Variants in KCNC2 observed in about 807,000 individuals in gnomAD.
KCNC2 encodes the protein potassium voltage-gated channel subfamily C member 2.
In KCNC2, 21 loss-of-function variants were observed where a neutral mutation model predicts 44.5. The ratio of observed to expected loss-of-function variants is 0.47; its 90% CI spans 0.33 to 0.68. KCNC2 has a LOEUF of 0.68. KCNC2 is among the 30% of genes least tolerant of loss of function. The probability of loss-of-function intolerance (pLI) is 0.01; values close to 1 mark genes in which losing one functional copy is unlikely to be tolerated. For synonymous variants in KCNC2, 391 were observed against 339.1 expected, an observed-to-expected ratio of 1.15 and a Z score of -1.68; for missense variants, 589 against 826.2, an observed-to-expected ratio of 0.71 and a Z score of 3.52.
At chr12:75,203,948 G>A (rs183140478) in intron 2 of KCNC2, among the ~76,000 whole-genome samples, 2 of 151,948 alleles carry the variant, frequency 1.3e-5, no homozygotes, top group East Asian at 1.9e-4. Context: ...TCAAAGGAAA[G>A]CACATACAAG....
intron 2 of KCNC2, among the ~76,000 whole-genome samples, chr12:75,120,781 A>T (rs2137285591): frequency 6.6e-6 from 1 of 152,270 alleles, no homozygotes; most frequent in East Asian, 1.9e-4. Context: ...GCTCCATAGT[A>T]TGTTTTGCAG....
chr12:75,151,781 AAAT>A (rs1359288530), intron 2 of KCNC2, among the ~76,000 whole-genome samples: 1 of 151,312 alleles, frequency 6.6e-6, no homozygotes, highest in East Asian at 1.9e-4. Flanking sequence ...AGAAATTTAA[AAAT>A]ACAATGAAAT....
intron 2 of KCNC2, chr12:75,124,721 A>G (rs895987856): frequency 1.3e-5 from 2 of 152,222 alleles, no homozygotes; most frequent in African/African-American, 4.8e-5. Context: ...ACAAAAGTTT[A>G]TAATCTTCCC....
intron 2 of KCNC2, among the ~76,000 whole-genome samples, chr12:75,125,104 T>C (rs1268085818): frequency 1.3e-5 from 2 of 151,402 alleles, no homozygotes; most frequent in African/African-American, 4.9e-5. Context: ...AGACTCCGTC[T>C]CAAAAAAAAA....
At chr12:75,103,179 G>T (rs1053575950) in intron 2 of KCNC2, among the ~76,000 whole-genome samples, 4 of 152,128 alleles carry the variant, frequency 2.6e-5, no homozygotes, top group Non-Finnish European at 4.4e-5. Flanking sequence ...AATATAACAT[G>T]CAAAACAAAC....
chr12:75,100,039 C>G (rs2137173911), intron 2 of KCNC2, among the ~76,000 whole-genome samples: 1 of 152,198 alleles, frequency 6.6e-6, no homozygotes, highest in African/African-American at 2.4e-5. Flanking sequence ...AAATACAGTT[C>G]TCCTGAGTGG....
chr12:75,084,311 G>GAT (rs1884798856), intron 2 of KCNC2, among the ~76,000 whole-genome samples: 1 of 146,238 alleles, frequency 6.8e-6, no homozygotes. Flanking sequence ...TAGATAGATA[G>GAT]ATAGATAGAT....
rs374641354 is a variant in KCNC2, at chr12:75,163,156, A to G, written c.687+44141T>C. Among the ~76,000 whole-genome samples, 10 of 151,706 alleles carry G rather than the reference A, an allele frequency of 6.6e-5. No homozygotes were observed. The East Asian group carries it at 1.4e-3, about 21-fold the overall frequency. Reference sequence around the variant, plus strand: ...AAGCCTTGTAAGGGGAGAGAGAGGGAGATTGGGAGGAGAGATGGTTGCAAG... The same window carrying G: ...AAGCCTTGTAAGGGGAGAGAGAGGGGGATTGGGAGGAGAGATGGTTGCAAG... On this transcript the variant is annotated intron_variant, in intron 2 of 4. Coordinates refer to ENST00000549446, the MANE Select transcript of KCNC2 (RefSeq NM_139137.4).
At chr12:75,051,784 A>G (rs1323522260) in intron 2 of KCNC2, among the ~76,000 whole-genome samples, 1 of 152,096 alleles carries the variant, frequency 6.6e-6, no homozygotes, top group Non-Finnish European at 1.5e-5. Context: ...TTAACTGTAG[A>G]TTTGTATTCA....
At chr12:75,088,977 A>T (rs529713036) in intron 2 of KCNC2, among the ~76,000 whole-genome samples, 1 of 152,058 alleles carries the variant, frequency 6.6e-6, no homozygotes, top group African/African-American at 2.4e-5. Flanking sequence ...CAATGATAAT[A>T]TAAAGATCAA....
intron 2 of KCNC2, among the ~76,000 whole-genome samples, chr12:75,102,790 A>C (rs1371218686): frequency 6.6e-6 from 1 of 151,984 alleles, no homozygotes; most frequent in Non-Finnish European, 1.5e-5. Flanking sequence ...AGAGAGTGCC[A>C]CTGCCCATAG....
At chr12:75,153,053 G>A (rs759841807) in intron 2 of KCNC2, among the ~76,000 whole-genome samples, 6 of 151,910 alleles carry the variant, frequency 3.9e-5, no homozygotes, top group South Asian at 4.1e-4. Flanking sequence ...TTTAGGTATC[G>A]TGAAGTAAAT....
chr12:75,141,372 A>C (rs1889639939), intron 2 of KCNC2, among the ~76,000 whole-genome samples: 1 of 152,234 alleles, frequency 6.6e-6, no homozygotes, highest in Admixed American at 6.5e-5. Context: ...AAATCGATAA[A>C]GTTTCTTTAA....
At chr12:75,043,280 C>T (rs771061504) in intron 4 of KCNC2, 39 bp from the exon 5 acceptor site, 2 of 1,609,492 alleles carry the variant, frequency 1.2e-6, no homozygotes, top group Non-Finnish European at 8.5e-7. Context: ...TTGAATTCAA[C>T]CAGAATATAG....
At position 75,157,238 on chromosome 12, in the gene KCNC2, T is replaced by A. The variant is rs11180381; in HGVS notation, c.687+50059A>T. Among the ~76,000 whole-genome samples the A allele has an allele frequency of 6.6e-5, 10 of 152,014 alleles. No individual in the cohort carries two copies. The East Asian group carries it at 1.6e-3, about 24-fold the overall frequency. ...TTCAGTGGGCAAGCTTTCCATTTTT[T>A]GTTGGATTGTCCCTTCTGCATTTTG... On this transcript the variant is annotated intron_variant, in intron 2 of 4. Transcript: ENST00000549446.
intron 2 of KCNC2, among the ~76,000 whole-genome samples, chr12:75,054,119 C>T (rs1226906484): frequency 6.6e-6 from 1 of 151,354 alleles, no homozygotes; most frequent in Non-Finnish European, 1.5e-5. Context: ...GCTACTTTCC[C>T]AAGTACTGAG....
chr12:75,049,866 AG>A (rs1238093051), intron 3 of KCNC2, among the ~76,000 whole-genome samples: 1 of 152,126 alleles, frequency 6.6e-6, no homozygotes, highest in Non-Finnish European at 1.5e-5. Context: ...GTTATCAAAA[AG>A]GTTATCTTCC....
At chr12:75,065,416 A>G (rs1459158227) in intron 2 of KCNC2, among the ~76,000 whole-genome samples, 4 of 152,142 alleles carry the variant, frequency 2.6e-5, no homozygotes, top group African/African-American at 7.2e-5. Flanking sequence ...ATGATTTTTA[A>G]CTTAGAGTTA....
chr12:75,067,144 G>A (rs1355080562), intron 2 of KCNC2, among the ~76,000 whole-genome samples: 2 of 152,122 alleles, frequency 1.3e-5, no homozygotes, highest in African/African-American at 4.8e-5. Context: ...TGAGGCTACA[G>A]TGAGCAGTGA....
Sources: gnomAD v4.1 joint callset for allele counts (sites outside exome capture counted in the v4.1 genomes callset) on GRCh38, gnomAD v4.1.1 for gene constraint, MANE v1.5 for transcripts, NCBI Gene and HGNC (gene_info 2026-07-23, HGNC 2026-07-21) for gene names.